Variants in SLC28A1 observed in about 807,000 individuals in gnomAD.
SLC28A1 encodes solute carrier family 28 member 1.
SLC28A1 carries 64 observed loss-of-function variants against 74.8 expected under a neutral mutation model. The ratio of observed to expected loss-of-function variants is 0.86; its 90% CI spans 0.70 to 1.05. SLC28A1 has a LOEUF of 1.05. Among genes scored for constraint, SLC28A1 ranks in the 50% least tolerant of loss-of-function variants. The pLI is 0.00. For synonymous variants in SLC28A1, 359 were observed against 335.0 expected (o/e 1.07, Z -0.78); for missense variants, 828 against 822.8 (o/e 1.01, Z -0.08).
rs1451005864 is a variant in SLC28A1 at position 84,944,989 on chromosome 15, G to A, written c.1874+122G>A. On this transcript the variant is annotated intron_variant, in intron 18 of 18. Transcript: ENST00000394573. Reference sequence around the variant, plus strand: ...GAAATGTTACGGCTGCAGCTAATGGGGAGGTGAAGGCTCGAGGACCAATGG... The same window carrying A: ...GAAATGTTACGGCTGCAGCTAATGGAGAGGTGAAGGCTCGAGGACCAATGG... 5 of 1,058,550 alleles carry A rather than the reference G, an allele frequency of 4.7e-6. No homozygotes were observed. In the African/African-American group the frequency reaches 6.2e-5, roughly 13 times the overall value. 65.6% of individuals were successfully genotyped at this position (1,058,550 alleles called of 1,614,324 possible).
At chr15:84,974,320 A>G in the SLC28A1 span, among the ~76,000 whole-genome samples, 1 of 152,146 alleles carries the variant, frequency 6.6e-6, no homozygotes, top group African/African-American at 2.4e-5. Flanking sequence ...TATTTAACTT[A>G]TTGCCAAAGC....
intron 12 of SLC28A1, among the ~76,000 whole-genome samples, chr15:84,928,584 T>TC (rs1970839927): frequency 2.5e-4 from 5 of 19,828 alleles, no homozygotes; most frequent in South Asian, 6.0e-3. Flanking sequence ...CTTTCTTTCT[T>TC]TCTTTCTTTC....
At chr15:84,949,476 CCTGTG>C (rs1459499964), downstream of SLC28A1, among the ~76,000 whole-genome samples, 1 of 151,980 alleles carries the variant, frequency 6.6e-6, no homozygotes, top group Non-Finnish European at 1.5e-5. Context: ...GCCTGGACCT[CCTGTG>C]CTCAAGGGGT....
the SLC28A1 span, among the ~76,000 whole-genome samples, chr15:84,969,599 C>T: frequency 6.6e-6 from 1 of 152,180 alleles, no homozygotes; most frequent in Non-Finnish European, 1.5e-5. Flanking sequence ...ACTGCAGGGT[C>T]CCAAGCACAA....
At chr15:84,955,671 C>T in the SLC28A1 span, among the ~76,000 whole-genome samples, 22 of 152,306 alleles carry the variant, frequency 1.4e-4, no homozygotes, top group African/African-American at 3.9e-4. Flanking sequence ...AGGAGGGCTT[C>T]GTTTTGGCTG....
the SLC28A1 span, among the ~76,000 whole-genome samples, chr15:84,971,222 GTTA>G: frequency 6.6e-6 from 1 of 152,180 alleles, no homozygotes; most frequent in Non-Finnish European, 1.5e-5. Context: ...AAGAGGATTG[GTTA>G]CAAAGCTGTT....
intron 15 of SLC28A1, among the ~76,000 whole-genome samples, chr15:84,942,630 C>T (rs896339075): frequency 5.1e-4 from 77 of 152,210 alleles, no homozygotes; most frequent in African/African-American, 1.8e-3. Flanking sequence ...AAGTGACTGA[C>T]TTCTCAAGCT....
At chr15:84,890,895 C>T (rs1965300308) in intron 5 of SLC28A1, among the ~76,000 whole-genome samples, 1 of 152,116 alleles carries the variant, frequency 6.6e-6, no homozygotes, top group African/African-American at 2.4e-5. Flanking sequence ...CTAAGGAGGG[C>T]AAAGGCACTC....
At chr15:84,946,006 T>C (rs72754962), downstream of SLC28A1, among the ~76,000 whole-genome samples, 29,304 of 143,516 alleles carry the variant, frequency 0.2, 3,301 homozygotes, top group South Asian at 0.39. Flanking sequence ...ATCATAGGCA[T>C]GTACCACCAT....
At chr15:84,927,028 C>T (rs545832935) in intron 12 of SLC28A1, among the ~76,000 whole-genome samples, 4 of 152,154 alleles carry the variant, frequency 2.6e-5, no homozygotes, top group Non-Finnish European at 5.9e-5. Flanking sequence ...CCAGCTGTTG[C>T]GTGACTTTTC....
chr15:84,948,450 T>C (rs1232807700), downstream of SLC28A1, among the ~76,000 whole-genome samples: 1 of 152,270 alleles, frequency 6.6e-6, no homozygotes, highest in East Asian at 1.9e-4. Flanking sequence ...GATTTGCTAT[T>C]GAACCAGGAT....
chr15:84,915,097 G>A (rs898644659), intron 9 of SLC28A1, among the ~76,000 whole-genome samples: 4 of 152,178 alleles, frequency 2.6e-5, no homozygotes, highest in African/African-American at 9.7e-5. Flanking sequence ...AGTCTAGACA[G>A]TACGTGACTC....
At chr15:84,934,991 A>G (rs376337225) in intron 13 of SLC28A1, 35 bp from the exon 14 acceptor site, 12 of 1,593,612 alleles carry the variant, frequency 7.5e-6, no homozygotes, top group Non-Finnish European at 1.0e-5. Context: ...TTGTGGAGAC[A>G]GGCCAGTAAT....
chr15:84,950,216 A>T (rs2079370158), downstream of SLC28A1, among the ~76,000 whole-genome samples: 1 of 152,208 alleles, frequency 6.6e-6, no homozygotes, highest in Non-Finnish European at 1.5e-5. Flanking sequence ...CAGAGGCAAC[A>T]AAAGAAATCA....
the SLC28A1 span, among the ~76,000 whole-genome samples, chr15:84,961,317 G>A: frequency 6.6e-6 from 1 of 151,512 alleles, no homozygotes. Flanking sequence ...GACTCATTCT[G>A]TGAGTGAGAG....
Position 84,935,158 on chromosome 15 carries a change from G to A in SLC28A1, c.1347G>A (p.Leu449=). The change falls in exon 14 of 19, where the codon CTG becomes CTA. Residue 449 remains leucine (L), a synonymous_variant. Coordinates refer to ENST00000394573, the MANE Select transcript of SLC28A1 (RefSeq NM_004213.5). Reference sequence around the variant, plus strand: ...TTATCAATGCTGCCCTCTCCTGGCTGGGAGACATGGTGGACATCCAAGGGC... The same window carrying A: ...TTATCAATGCTGCCCTCTCCTGGCTAGGAGACATGGTGGACATCCAAGGGC... ...LDFINAALSW[L]GDMVDIQGLS... is the part of the protein sequence containing the mutation. The A allele has an allele frequency of 1.2e-6, 2 of 1,614,006 alleles. No individual in the cohort carries two copies. Among genetic ancestry groups the A allele is most frequent in the South Asian group, 1.1e-5 (1 of 91,080 alleles).
At chr15:84,916,240 C>CAGGTGTGAGCCACCATGCCCGGCCTT (rs1555449976) in intron 9 of SLC28A1, among the ~76,000 whole-genome samples, 1 of 98,424 alleles carries the variant, frequency 1.0e-5, no homozygotes, top group Admixed American at 9.8e-5. Context: ...GCTGGGATTA[C>CAGGTGTGAGCCACCATGCCCGGCCTT]TTTTTTTTTT....
At chr15:84,918,745 C>T (rs1969444209) in intron 10 of SLC28A1, 141 bp downstream of exon 10, 17 of 744,996 alleles carry the variant, frequency 2.3e-5, no homozygotes, top group Admixed American at 5.7e-5. Context: ...CCAGAGTCCC[C>T]TGTTCCCAGT....
chr15:84,968,777 T>G, the SLC28A1 span, among the ~76,000 whole-genome samples: 18 of 152,246 alleles, frequency 1.2e-4, no homozygotes, highest in African/African-American at 4.3e-4. Context: ...TTATGTTACT[T>G]GTAACTGAGA....
Sources: allele counts gnomAD v4.1 joint callset (sites outside exome capture counted in the v4.1 genomes callset), GRCh38; gene constraint gnomAD v4.1.1; transcripts MANE v1.5; gene names NCBI Gene and HGNC (gene_info 2026-07-23, HGNC 2026-07-21).